Variants in FIP1L1 observed in about 807,000 individuals in gnomAD.
FIP1L1 encodes the protein factor interacting with PAPOLA and CPSF1, also known as pre-mRNA 3'-end-processing factor FIP1.
FIP1L1 carries 21 observed loss-of-function variants against 84.6 expected under a neutral mutation model. The ratio of observed to expected loss-of-function variants is 0.25; its 90% confidence interval spans 0.18 to 0.36. The LOEUF is 0.36. Ranked by LOEUF, FIP1L1 falls within the 10% of genes least tolerant of loss-of-function variation. The pLI, the probability that FIP1L1 is intolerant of heterozygous loss-of-function variation, is 1.00. For synonymous variants in FIP1L1, 263 were observed against 242.3 expected, an observed-to-expected ratio of 1.09 and a Z score of -0.80; for missense variants, 526 against 751.1, an observed-to-expected ratio of 0.70 and a Z score of 3.50.
chr4:53,440,418 G>T lies in FIP1L1; in HGVS notation c.1175-2235G>T, dbSNP rs546432802. On this transcript the variant is annotated intron_variant, in intron 13 of 17. Transcript: ENST00000337488. ...ATCAAGGAAGTTGGATGTTATACTCGAATTGTTAGTCCTCTACGAGAAAAC... is the reference window on the plus strand; with the variant it reads ...ATCAAGGAAGTTGGATGTTATACTCTAATTGTTAGTCCTCTACGAGAAAAC... 2.6e-5 allele frequency among the ~76,000 whole-genome samples: 4 copies of T among 151,998 alleles called. No individual in the cohort carries two copies. The East Asian group carries it at 5.8e-4, about 22-fold the overall frequency.
intron 13 of FIP1L1, among the ~76,000 whole-genome samples, chr4:53,438,567 A>G (rs1770504414): frequency 1.3e-5 from 2 of 152,222 alleles, no homozygotes; most frequent in African/African-American, 2.4e-5. Flanking sequence ...GCTAGTTGCC[A>G]TGCCAACTTT....
intron 11 of FIP1L1, among the ~76,000 whole-genome samples, chr4:53,424,733 C>T (rs1363830480): frequency 6.6e-6 from 1 of 151,986 alleles, no homozygotes; most frequent in Non-Finnish European, 1.5e-5. Context: ...TCCAGAAAAG[C>T]CTTAAATTCC....
At chr4:53,454,670 C>T (rs555176797) in intron 16 of FIP1L1, among the ~76,000 whole-genome samples, 30 of 152,210 alleles carry the variant, frequency 2.0e-4, no homozygotes, top group Non-Finnish European at 1.5e-4. Flanking sequence ...AATTCTAAGT[C>T]GATTTACCAT....
chr4:53,448,860 G>C (rs1775274956), intron 15 of FIP1L1, among the ~76,000 whole-genome samples: 1 of 152,034 alleles, frequency 6.6e-6, no homozygotes, highest in Non-Finnish European at 1.5e-5. Context: ...GAATGTCTTT[G>C]GTTGGATTTA....
In FIP1L1 at chr4:53,440,518, G is replaced by A. The variant is rs1386952308; in HGVS notation, c.1175-2135G>A. ...TATTTCAAAGTTTGTTTTGGTGATG[G>A]CATAAATACATAACAGGTTCTGAAA... On this transcript the variant is annotated intron_variant, in intron 13 of 17. Transcript: ENST00000337488. 4 of 1,024,250 alleles carry A rather than the reference G, an allele frequency of 3.9e-6. No homozygotes were observed. In the Admixed American group the frequency reaches 6.8e-5, roughly 17 times the overall value. 63.4% of individuals were successfully genotyped at this position (1,024,250 alleles called of 1,614,324 possible).
Position 53,377,870 on chromosome 4 carries a change from C to T in FIP1L1, c.32C>T (p.Ser11Leu), listed in dbSNP as rs1735380876. 2 of 1,600,806 alleles carry T rather than the reference C, an allele frequency of 1.2e-6. No individual in the cohort carries two copies. The highest frequency in any genetic ancestry group is 2.3e-5 in the East Asian group (1 of 44,120). The change falls in exon 1 of 18, where the codon TCG becomes TTG. Residue 11 changes from serine (S) to leucine (L), a missense_variant. Ser to Leu is a moderately radical substitution (Grantham distance 145). Around this residue, in one of 6 missense-constraint regions of FIP1L1, gnomAD observed 100 missense variants for 107.2 expected, o/e 0.93. Coordinates refer to ENST00000337488, the MANE Select transcript of FIP1L1 (RefSeq NM_030917.4). Reference protein sequence around the residue: MSAGEVERLVSELSGGTGGDE... With the variant: MSAGEVERLVLELSGGTGGDE... The stretch of plus-strand genomic sequence containing the variant: ...GCCGGCGAGGTCGAGCGCCTAGTGT[C>T]GGAGCTGAGCGGCGGGACCGGAGGG...
intron 16 of FIP1L1, among the ~76,000 whole-genome samples, chr4:53,456,041 G>C (rs540166791): frequency 6.6e-6 from 1 of 152,228 alleles, no homozygotes; most frequent in African/African-American, 2.4e-5. Context: ...AGCCAATTAA[G>C]TGCATGATTC....
intron 10 of FIP1L1, among the ~76,000 whole-genome samples, chr4:53,409,610 A>T (rs1231812201): frequency 6.6e-6 from 1 of 152,266 alleles, no homozygotes; most frequent in Non-Finnish European, 1.5e-5. Context: ...CTACAGAGGC[A>T]GGCAGGCTTC....
intron 15 of FIP1L1, among the ~76,000 whole-genome samples, chr4:53,450,540 A>C (rs887470657): frequency 6.6e-6 from 1 of 152,106 alleles, no homozygotes; most frequent in South Asian, 2.1e-4. Flanking sequence ...TCAAGTCTTT[A>C]TTTGCATGGT....
chr4:53,391,179 C>T, intron 8 of FIP1L1, 40 bp downstream of exon 8: 34 of 1,569,422 alleles, frequency 2.2e-5, no homozygotes, highest in Non-Finnish European at 2.8e-5. Context: ...GGCTTGTCTA[C>T]CGTCCCACTT....
intron 13 of FIP1L1, among the ~76,000 whole-genome samples, chr4:53,431,464 AT>A (rs1560557619): frequency 1.3e-5 from 2 of 152,294 alleles, no homozygotes; most frequent in Admixed American, 6.5e-5. Flanking sequence ...ATGGAAAAAC[AT>A]TTTTTTAAAG....
intron 13 of FIP1L1, among the ~76,000 whole-genome samples, chr4:53,430,566 A>G (rs1466516120): frequency 2.0e-5 from 3 of 151,774 alleles, no homozygotes; most frequent in Non-Finnish European, 2.9e-5. Context: ...TGAACTCCTG[A>G]CCTCAAGCAA....
At chr4:53,437,114 C>T (rs1769591439) in intron 13 of FIP1L1, among the ~76,000 whole-genome samples, 1 of 151,096 alleles carries the variant, frequency 6.6e-6, no homozygotes, top group African/African-American at 2.4e-5. Flanking sequence ...ATCGCTTGAG[C>T]CCAGGAGTTT....
intron 9 of FIP1L1, among the ~76,000 whole-genome samples, chr4:53,393,233 C>A (rs558593620): frequency 6.6e-6 from 1 of 152,210 alleles, no homozygotes; most frequent in Non-Finnish European, 1.5e-5. Flanking sequence ...GAGCTGTTGC[C>A]ATACTATGGG....
At position 53,430,166 on chromosome 4, in the gene FIP1L1, G is replaced by A. The variant is rs571261791; in HGVS notation, c.1174+1983G>A. 6.6e-5 allele frequency among the ~76,000 whole-genome samples: 10 copies of A among 152,150 alleles called. No homozygotes were observed. In the East Asian group the frequency reaches 1.7e-3, roughly 26 times the overall value. On this transcript the variant is annotated intron_variant, in intron 13 of 17. Transcript: ENST00000337488. ...TCCCCAGATGGCTAACATTTTGTATGTTCAGTACTAATTATTAAAGTAAGT... is the reference window on the plus strand; with the variant it reads ...TCCCCAGATGGCTAACATTTTGTATATTCAGTACTAATTATTAAAGTAAGT...
At position 53,453,020 on chromosome 4, in the gene FIP1L1, T is replaced by G. The variant is rs1560587116; in HGVS notation, c.1386T>G (p.Asp462Glu). Residue 462 changes from aspartate to glutamate, a missense_variant, in exon 16 of 18, where the codon GAT becomes GAG. Physicochemically the swap from Asp to Glu is conservative, Grantham distance 45. Coordinates refer to ENST00000337488, the MANE Select transcript of FIP1L1 (RefSeq NM_030917.4). Reference sequence around the variant, plus strand: ...ATGCCAGAAGAGAGAAAGACCGAGATAGAGAGAGAGACAGAGACAGAGAGC... The same window carrying G: ...ATGCCAGAAGAGAGAAAGACCGAGAGAGAGAGAGAGACAGAGACAGAGAGC... ...DYYARREKDR[D>E]RERDRDRERD... The G allele has an allele frequency of 1.9e-6, 3 of 1,612,622 alleles. No individual in the cohort carries two copies. The highest frequency in any genetic ancestry group is 1.7e-6 in the Non-Finnish European group (2 of 1,179,298).
intron 8 of FIP1L1, 86 bp from the exon 9 acceptor site, chr4:53,391,344 G>A: frequency 8.1e-7 from 1 of 1,232,416 alleles, no homozygotes; most frequent in Non-Finnish European, 1.2e-6. Flanking sequence ...TCAAATCACA[G>A]ACTAGCCACA....
intron 13 of FIP1L1, among the ~76,000 whole-genome samples, chr4:53,430,946 C>A (rs1312328791): frequency 1.3e-5 from 2 of 152,118 alleles, no homozygotes; most frequent in African/African-American, 2.4e-5. Context: ...TCATTAAAAC[C>A]AAATATTTGA....
chr4:53,435,968 A>T (rs1439874347), intron 13 of FIP1L1, among the ~76,000 whole-genome samples: 1 of 152,198 alleles, frequency 6.6e-6, no homozygotes, highest in African/African-American at 2.4e-5. Flanking sequence ...TCTGAGCTTG[A>T]TGGCTTTGAA....
Sources: allele counts gnomAD v4.1 joint callset (sites outside exome capture counted in the v4.1 genomes callset), GRCh38; gene constraint gnomAD v4.1.1; regional missense constraint gnomAD v4.1.1; transcripts MANE v1.5; gene names NCBI Gene and HGNC (gene_info 2026-07-23, HGNC 2026-07-21).